Variants in FBXW7 observed in about 807,000 individuals in gnomAD.
The protein encoded by FBXW7 is F-box and WD repeat domain containing 7.
Under a neutral mutation model 86.3 loss-of-function variants are expected in FBXW7, and 11 were observed. The observed-to-expected ratio is 0.13, with a 90% CI of 0.08 to 0.21. FBXW7 has a LOEUF of 0.21. Ranked by LOEUF, FBXW7 falls within the 10% of genes least tolerant of loss-of-function variation. FBXW7 has a pLI of 1.00. For synonymous variants in FBXW7, 313 were observed against 297.9 expected, an observed-to-expected ratio of 1.05 and a Z score of -0.52; for missense variants, 488 against 847.4, an observed-to-expected ratio of 0.58 and a Z score of 5.27.
At chr4:152,418,163 A>AC (rs1186312760) in intron 2 of FBXW7, among the ~76,000 whole-genome samples, 2 of 151,276 alleles carry the variant, frequency 1.3e-5, no homozygotes, top group East Asian at 1.9e-4. Flanking sequence ...ACACACACAC[A>AC]AAATCCACTT....
rs554656659 is a variant in FBXW7, at chr4:152,425,093, A to C, written c.-119-12564T>G. Reference sequence around the variant, plus strand: ...ACTAAATTTTGAAGAGCAATGCTCCACTCTTGTCTACCTGATTTGTTTTCA... The same window carrying C: ...ACTAAATTTTGAAGAGCAATGCTCCCCTCTTGTCTACCTGATTTGTTTTCA... On this transcript the variant is annotated intron_variant, in intron 2 of 13. Coordinates refer to ENST00000281708, the MANE Select transcript of FBXW7 (RefSeq NM_001349798.2). 2.4e-4 allele frequency among the ~76,000 whole-genome samples: 36 copies of C among 152,248 alleles called. No individual in the cohort carries two copies. In the South Asian group the frequency reaches 7.2e-3, roughly 31 times the overall value.
chr4:152,328,571 T>C, intron 10 of FBXW7, 182 bp from the exon 11 acceptor site: 1 of 435,276 alleles, frequency 2.3e-6, no homozygotes, highest in Non-Finnish European at 4.0e-6. Context: ...TCAAAAGCAT[T>C]ATAAATTTAT....
At chr4:152,478,631 A>C (rs1744623754) in intron 2 of FBXW7, among the ~76,000 whole-genome samples, 1 of 152,100 alleles carries the variant, frequency 6.6e-6, no homozygotes, top group Non-Finnish European at 1.5e-5. Flanking sequence ...AACTTTTTGA[A>C]GAACTGGTAA....
chr4:152,394,446 G>A (rs1736245911), intron 4 of FBXW7, among the ~76,000 whole-genome samples: 1 of 152,086 alleles, frequency 6.6e-6, no homozygotes, highest in African/African-American at 2.4e-5. Context: ...ACCAATTAGG[G>A]AAAAAATATC....
chr4:152,510,692 G>A (rs1265733986), intron 2 of FBXW7, among the ~76,000 whole-genome samples: 2 of 152,114 alleles, frequency 1.3e-5, no homozygotes, highest in Non-Finnish European at 2.9e-5. Flanking sequence ...TAAGGAAAAT[G>A]CAAAAGACAG....
intron 2 of FBXW7, among the ~76,000 whole-genome samples, chr4:152,454,385 A>C (rs904640016): frequency 7.9e-5 from 12 of 151,546 alleles, no homozygotes; most frequent in Admixed American, 6.6e-4. Flanking sequence ...TATTTCCTAC[A>C]GATAACTTTT....
chr4:152,508,019 G>T (rs1372246469), intron 2 of FBXW7, among the ~76,000 whole-genome samples: 1 of 151,784 alleles, frequency 6.6e-6, no homozygotes, highest in Non-Finnish European at 1.5e-5. Context: ...AGTGAGCTAT[G>T]ATCATACCAC....
chr4:152,505,681 C>G (rs1201056604), intron 2 of FBXW7, among the ~76,000 whole-genome samples: 1 of 152,062 alleles, frequency 6.6e-6, no homozygotes, highest in African/African-American at 2.4e-5. Context: ...CTGTAATCTC[C>G]TACAACAACA....
At chr4:152,462,814 T>C (rs1314985299) in intron 2 of FBXW7, among the ~76,000 whole-genome samples, 2 of 152,144 alleles carry the variant, frequency 1.3e-5, no homozygotes, top group South Asian at 2.1e-4. Context: ...AAATTCTAAT[T>C]AATGAAAAAT....
intron 2 of FBXW7, among the ~76,000 whole-genome samples, chr4:152,519,417 T>C (rs962037329): frequency 1.3e-5 from 2 of 152,224 alleles, no homozygotes; most frequent in African/African-American, 4.8e-5. Flanking sequence ...TGCTAAACCA[T>C]AGGTTTTCAA....
chr4:152,484,616 A>G (rs753330116), intron 2 of FBXW7, among the ~76,000 whole-genome samples: 1 of 152,200 alleles, frequency 6.6e-6, no homozygotes, highest in African/African-American at 2.4e-5. Context: ...GTAATTTTTT[A>G]AATTATTAAA....
chr4:152,444,436 G>T (rs1022811391), intron 2 of FBXW7, among the ~76,000 whole-genome samples: 1 of 152,138 alleles, frequency 6.6e-6, no homozygotes, highest in Non-Finnish European at 1.5e-5. Context: ...CTGCGAATCT[G>T]AGTATCTCCT....
intron 2 of FBXW7, among the ~76,000 whole-genome samples, chr4:152,495,310 A>G (rs1256085903): frequency 6.6e-6 from 1 of 152,056 alleles, no homozygotes; most frequent in African/African-American, 2.4e-5. Flanking sequence ...GTATGGTGGC[A>G]CACACCTGTA....
intron 2 of FBXW7, among the ~76,000 whole-genome samples, chr4:152,437,528 G>A (rs938508100): frequency 6.6e-6 from 1 of 152,222 alleles, no homozygotes; most frequent in African/African-American, 2.4e-5. Context: ...TCTTCTGAAT[G>A]AGCAAGGAAA....
intron 2 of FBXW7, among the ~76,000 whole-genome samples, chr4:152,430,416 A>G (rs926950576): frequency 1.2e-4 from 18 of 152,188 alleles, no homozygotes; most frequent in Admixed American, 1.0e-3. Context: ...GAAAAATTAC[A>G]GATTACATAA....
At chr4:152,406,208 A>G (rs2126858854) in intron 4 of FBXW7, among the ~76,000 whole-genome samples, 1 of 152,346 alleles carries the variant, frequency 6.6e-6, no homozygotes, top group East Asian at 1.9e-4. Flanking sequence ...TCATCTGTAT[A>G]AAGAACTAAT....
Position 152,411,597 on chromosome 4 carries a change from T to C in FBXW7, c.207A>G (p.Gln69=), listed in dbSNP as rs758983584. The C allele has an allele frequency of 1.1e-5, 18 of 1,613,932 alleles. No homozygotes were observed. The East Asian group carries it at 2.2e-4, about 20-fold the overall frequency. Residue 69 remains glutamine, a synonymous_variant, in exon 4 of 14, where the codon CAA becomes CAG. Transcript: ENST00000281708. ...CCAACTGTCCTTGCTGGGAATCATT[T>C]TGGCCTCCAGGTCTAGGTTCTACTC... The part of the protein sequence containing the change: ...VVGVEPRPGG[Q]NDSQQGQLEE...
At chr4:152,369,594 AC>A (rs1054505650) in intron 4 of FBXW7, among the ~76,000 whole-genome samples, 1 of 152,078 alleles carries the variant, frequency 6.6e-6, no homozygotes, top group African/African-American at 2.4e-5. Flanking sequence ...CCATTTTGAC[AC>A]GAAAAAAAGA....
intron 6 of FBXW7, among the ~76,000 whole-genome samples, chr4:152,342,315 A>G (rs1465023031): frequency 6.6e-6 from 1 of 152,182 alleles, no homozygotes; most frequent in Non-Finnish European, 1.5e-5. Context: ...ACAACATGGA[A>G]GTCTCTTAAT....
Sources: gnomAD v4.1 joint callset for allele counts (sites outside exome capture counted in the v4.1 genomes callset) on GRCh38, gnomAD v4.1.1 for gene constraint, MANE v1.5 for transcripts, NCBI Gene and HGNC (gene_info 2026-07-23, HGNC 2026-07-21) for gene names.